FBXW12: variants seen among roughly 807,000 people sequenced by gnomAD.
FBXW12 encodes the protein F-box/WD repeat-containing protein 12.
Under a neutral mutation model 55.3 loss-of-function variants are expected in FBXW12, and 43 were observed. That is an observed-to-expected ratio of 0.78 (90% CI 0.61 to 1.00). The LOEUF is 1.00. Ranked by LOEUF, FBXW12 falls within the 50% of genes least tolerant of loss-of-function variation. The pLI, the probability that FBXW12 is intolerant of heterozygous loss-of-function variation, is 0.00. For synonymous variants in FBXW12, 184 were observed against 203.8 expected (o/e 0.90, Z 0.83); for missense variants, 524 against 560.5 (o/e 0.93, Z 0.66).
chr3:48,372,646 A>G, intron 1 of FBXW12, 38 bp from the exon 2 acceptor site: 1 of 1,585,058 alleles, frequency 6.3e-7, no homozygotes, highest in South Asian at 1.2e-5. Flanking sequence ...GCTTGTTTCT[A>G]CCGCACACAG....
chr3:48,392,107 T>A (rs2106658552), intron 10 of FBXW12, among the ~76,000 whole-genome samples: 1 of 152,252 alleles, frequency 6.6e-6, no homozygotes, highest in South Asian at 2.1e-4. Flanking sequence ...TGTATGTATG[T>A]CAGTACCATG....
Position 48,382,023 on chromosome 3 carries a change from C to T in FBXW12, c.1233C>T (p.Arg411=), listed in dbSNP as rs2036783788. The change falls in exon 10 of 11, where the codon CGC becomes CGT. Residue 411 remains arginine, a synonymous_variant. Coordinates refer to ENST00000296438, the MANE Select transcript of FBXW12 (RefSeq NM_207102.2). ...VHVYMWEEGG[R]HPYLRSCCHL... is the part of the protein sequence containing the mutation. ...TGTACATGTGGGAAGAAGGAGGCCG[C>T]CATCCATACCTCAGGAGCTGCTGTC... The T allele has an allele frequency of 6.2e-7, 1 of 1,614,056 alleles. No individual in the cohort carries two copies. Among genetic ancestry groups the T allele is most frequent in the African/African-American group, 1.3e-5 (1 of 74,912 alleles).
intron 10 of FBXW12, among the ~76,000 whole-genome samples, chr3:48,390,337 A>C (rs2036904559): frequency 6.8e-6 from 1 of 147,032 alleles, no homozygotes; most frequent in African/African-American, 2.5e-5. Context: ...TTTAATGATA[A>C]TTGCTTCTTC....
intron 5 of FBXW12, among the ~76,000 whole-genome samples, chr3:48,377,665 T>C (rs977471750): frequency 3.9e-5 from 6 of 152,230 alleles, no homozygotes; most frequent in Non-Finnish European, 8.8e-5. Flanking sequence ...CTTGTTATAG[T>C]GTGAAAAATC....
Position 48,390,406 on chromosome 3 carries a change from CTTTTTTTTTTTT to C in FBXW12, c.1296-4139_1296-4128del, listed in dbSNP as rs71625870. Among the ~76,000 whole-genome samples, 9 of 57,940 alleles carry C rather than the reference CTTTTTTTTTTTT, an allele frequency of 1.6e-4. 1 individual carries two copies. In the South Asian group the frequency reaches 2.9e-3, roughly 18 times the overall value. 38.0% of individuals were successfully genotyped at this position (57,940 alleles called of 152,430 possible). A position where few individuals can be genotyped will look rare whatever the true frequency, so the allele number is the denominator to read the frequency against. On this transcript the variant is annotated intron_variant, in intron 10 of 10. Coordinates refer to ENST00000296438, the MANE Select transcript of FBXW12 (RefSeq NM_207102.2). ...TTTTTAATGTCACCTAGGATTTCCTCTTTTTTTTTTTTTTTTTTTTTTTTTTGAGGCAGAGTC... is the reference window on the plus strand; with the variant it reads ...TTTTTAATGTCACCTAGGATTTCCTCTTTTTTTTTTTTTTGAGGCAGAGTC...
chr3:48,372,929 A>G, intron 2 of FBXW12, 72 bp downstream of exon 2: 2 of 1,365,278 alleles, frequency 1.5e-6, no homozygotes, highest in South Asian at 1.2e-5. Flanking sequence ...ACCACTTTGC[A>G]GAATAGCAGA....
chr3:48,374,307 G>A (rs1170560628), intron 4 of FBXW12, among the ~76,000 whole-genome samples: 3 of 150,578 alleles, frequency 2.0e-5, no homozygotes, highest in Non-Finnish European at 4.4e-5. Flanking sequence ...GGACTACAGG[G>A]GTACACCACC....
chr3:48,383,095 AT>A (rs1386075917), intron 10 of FBXW12, among the ~76,000 whole-genome samples: 2 of 152,244 alleles, frequency 1.3e-5, no homozygotes, highest in Admixed American at 6.5e-5. Flanking sequence ...GAATAGGAAA[AT>A]GTCTATGTTC....
Position 48,378,397 on chromosome 3 carries a change from C to G in FBXW12, c.486C>G (p.Ile162Met), listed in dbSNP as rs577053960. 1.2e-6 allele frequency: 2 copies of G among 1,614,026 alleles called. No homozygotes were observed. The highest frequency in any genetic ancestry group is 4.5e-5 in the East Asian group (2 of 44,864). The change falls in exon 6 of 11, where the codon ATC becomes ATG. Residue 162 changes from isoleucine to methionine, a missense_variant. Ile to Met is a conservative substitution (Grantham distance 10). Coordinates refer to ENST00000296438, the MANE Select transcript of FBXW12 (RefSeq NM_207102.2). Reference sequence around the variant, plus strand: ...CCCTCCCTCAGATGCATCTCGCCATCACTATGGATCGGAAAAAAACTATCA... The same window carrying G: ...CCCTCCCTCAGATGCATCTCGCCATGACTATGGATCGGAAAAAAACTATCA... ...LVTLPQMHLA[I>M]TMDRKKTIKV...
chr3:48,378,572 G>A (rs745372737), intron 6 of FBXW12, 46 bp downstream of exon 6: 6 of 1,443,820 alleles, frequency 4.2e-6, no homozygotes, highest in Non-Finnish European at 4.8e-6. Context: ...TCAAATGCCT[G>A]TTGTCTTGTC....
chr3:48,389,325 A>G (rs1258164250), intron 10 of FBXW12, among the ~76,000 whole-genome samples: 1 of 152,042 alleles, frequency 6.6e-6, no homozygotes, highest in Non-Finnish European at 1.5e-5. Context: ...CTACCATTCT[A>G]TAGGTTGTCT....
chr3:48,383,138 ATACTT>A (rs1342816237), intron 10 of FBXW12, among the ~76,000 whole-genome samples: 1 of 152,238 alleles, frequency 6.6e-6, no homozygotes, highest in African/African-American at 2.4e-5. Context: ...TGAGGCAAAA[ATACTT>A]TAAATATCTA....
At chr3:48,385,307 C>T (rs1255140292) in intron 10 of FBXW12, among the ~76,000 whole-genome samples, 3 of 151,716 alleles carry the variant, frequency 2.0e-5, no homozygotes, top group African/African-American at 7.3e-5. Context: ...TGACAAGATT[C>T]CCTTCTTTTC....
At chr3:48,388,855 C>G (rs2036881593) in intron 10 of FBXW12, among the ~76,000 whole-genome samples, 1 of 152,150 alleles carries the variant, frequency 6.6e-6, no homozygotes, top group Admixed American at 6.6e-5. Context: ...AAATATTTAT[C>G]ATTTATTTGT....
rs1175527890 is a variant in FBXW12 at position 48,394,658 on chromosome 3, A to G, written c.1394A>G (p.Ter465=). ...SILVMYSLNT[*] ...CTGGTGATGTATTCTTTGAATACGTAATATGGAAACTAACAAAATTGACCT... is the reference window on the plus strand; with the variant it reads ...CTGGTGATGTATTCTTTGAATACGTGATATGGAAACTAACAAAATTGACCT... Residue 465 remains the stop codon, a stop_retained_variant, in exon 11 of 11, where the codon TAA becomes TGA. Coordinates refer to ENST00000296438, the MANE Select transcript of FBXW12 (RefSeq NM_207102.2). 1 of 1,523,540 alleles carries G rather than the reference A, an allele frequency of 6.6e-7. No individual in the cohort carries two copies. Among genetic ancestry groups the G allele is most frequent in the Middle Eastern group, 1.7e-4 (1 of 5,892 alleles). The allele number at this position is 1,523,540 out of a possible 1,614,324, so 94.4% of individuals were successfully genotyped here. A position where few individuals can be genotyped will look rare whatever the true frequency, so the allele number is the denominator to read the frequency against.
chr3:48,389,072 G>A (rs983865552), intron 10 of FBXW12, among the ~76,000 whole-genome samples: 3 of 152,068 alleles, frequency 2.0e-5, no homozygotes, highest in Non-Finnish European at 1.5e-5. Flanking sequence ...CTACATCTAC[G>A]AGTCTAATTT....
chr3:48,390,765 C>A (rs937049565), intron 10 of FBXW12, among the ~76,000 whole-genome samples: 3 of 151,994 alleles, frequency 2.0e-5, no homozygotes, highest in Non-Finnish European at 4.4e-5. Context: ...GATCTTTCAC[C>A]TCCTTGGGTA....
chr3:48,373,312 G>A lies in FBXW12; in HGVS notation c.95G>A (p.Trp32Ter), dbSNP rs1472467391. Reference protein sequence around the residue: ...LLQVSQVNKHWNRIADSDYLW... With the variant: ...LLQVSQVNKH ...CTCTTCCTTTCTCTCCCATAGCATT[G>A]GAATAGGATTGCAGACAGTGATTAC... Residue 32 changes from tryptophan to a stop codon, truncating the protein, a stop_gained, in exon 3 of 11, where the codon TGG becomes TAG. Transcript: ENST00000296438. LOFTEE classifies it high-confidence loss of function. 6.2e-7 allele frequency: 1 copy of A among 1,614,132 alleles called. No homozygotes were observed.
At chr3:48,373,837 G>C in intron 4 of FBXW12, 132 bp downstream of exon 4, 2 of 827,444 alleles carry the variant, frequency 2.4e-6, no homozygotes, top group South Asian at 2.0e-5. Flanking sequence ...AACCAGACTG[G>C]GTTGCCGTGA....
Sources: gnomAD v4.1 joint callset for allele counts (sites outside exome capture counted in the v4.1 genomes callset) on GRCh38, gnomAD v4.1.1 for gene constraint, MANE v1.5 for transcripts, NCBI Gene and HGNC (gene_info 2026-07-23, HGNC 2026-07-21) for gene names.